Variants in NSMCE2 observed in about 807,000 individuals in gnomAD.
The protein encoded by NSMCE2 is NSE2 SUMO ligase component of SMC5/6 complex, also known as E3 SUMO-protein ligase NSE2.
In NSMCE2, 24 loss-of-function variants were observed where a neutral mutation model predicts 23.8. That is an observed-to-expected ratio of 1.01 (90% CI 0.73 to 1.42). The LOEUF is 1.42. Among genes scored for constraint, NSMCE2 ranks in the 40% most tolerant of loss-of-function variants. The probability of loss-of-function intolerance (pLI) is 0.00; values close to 1 mark genes in which losing one functional copy is unlikely to be tolerated. For missense variants in NSMCE2, 284 were observed against 296.5 expected (o/e 0.96, Z 0.31); for synonymous variants, 92 against 94.1 (o/e 0.98, Z 0.13).
intron 5 of NSMCE2, among the ~76,000 whole-genome samples, chr8:125,212,235 T>A (rs1040837884): frequency 1.3e-5 from 2 of 152,172 alleles, no homozygotes; most frequent in South Asian, 2.1e-4. Context: ...GAACACATAT[T>A]CATTTAAAGG....
chr8:125,362,071 C>T (rs1004706731), intron 7 of NSMCE2, among the ~76,000 whole-genome samples: 3 of 152,194 alleles, frequency 2.0e-5, no homozygotes, highest in African/African-American at 7.2e-5. Flanking sequence ...ATGCTCTGCC[C>T]GGGTAGTGCC....
intron 4 of NSMCE2, among the ~76,000 whole-genome samples, chr8:125,166,420 C>T (rs1052901300): frequency 2.1e-4 from 32 of 152,224 alleles, no homozygotes; most frequent in African/African-American, 7.7e-4. Context: ...GTGCGTACCA[C>T]CACACCTGGC....
intron 1 of NSMCE2, 49 bp from the exon 2 acceptor site, chr8:125,102,002 T>C (rs1818213998): frequency 1.1e-5 from 2 of 185,696 alleles, no homozygotes; most frequent in Admixed American, 1.1e-4. Context: ...TTCTAACCCA[T>C]TTATCTTGTA....
chr8:125,358,739 A>G (rs775442479), intron 7 of NSMCE2, among the ~76,000 whole-genome samples: 1 of 152,086 alleles, frequency 6.6e-6, no homozygotes, highest in Non-Finnish European at 1.5e-5. Context: ...TTGCTTCTCC[A>G]TTGCCCAGAA....
intron 5 of NSMCE2, among the ~76,000 whole-genome samples, chr8:125,250,382 TTTAA>T (rs1218743149): frequency 2.0e-5 from 3 of 152,232 alleles, no homozygotes; most frequent in African/African-American, 7.2e-5. Context: ...GCCCTCTTAC[TTTAA>T]TTAATCCAAA....
chr8:125,330,177 C>CTTTTTTTTTTTTTTTT (rs34345598), intron 5 of NSMCE2, among the ~76,000 whole-genome samples: 2 of 119,122 alleles, frequency 1.7e-5, no homozygotes, highest in Non-Finnish European at 1.6e-5. Context: ...TTTCTTTTTT[C>CTTTTTTTTTTTTTTTT]TTTCTTTTTT....
intron 5 of NSMCE2, among the ~76,000 whole-genome samples, chr8:125,196,899 T>G (rs1823651452): frequency 6.6e-6 from 1 of 152,190 alleles, no homozygotes; most frequent in African/African-American, 2.4e-5. Context: ...CCATTCTAAC[T>G]GGCATGAGAT....
At chr8:125,121,806 A>G (rs539598229) in intron 3 of NSMCE2, among the ~76,000 whole-genome samples, 4 of 152,324 alleles carry the variant, frequency 2.6e-5, no homozygotes, top group Non-Finnish European at 5.9e-5. Context: ...TATCATTACC[A>G]TTATACATAT....
chr8:125,247,900 T>G (rs1360456728), intron 5 of NSMCE2, among the ~76,000 whole-genome samples: 1 of 152,150 alleles, frequency 6.6e-6, no homozygotes, highest in Non-Finnish European at 1.5e-5. Context: ...AGTGGTGAAC[T>G]AAAGTGACCA....
At chr8:125,343,051 ACTCT>A (rs1229967058) in intron 5 of NSMCE2, among the ~76,000 whole-genome samples, 1 of 152,110 alleles carries the variant, frequency 6.6e-6, no homozygotes, top group African/African-American at 2.4e-5. Flanking sequence ...AAATCTTGAT[ACTCT>A]CTATCAAATG....
intron 5 of NSMCE2, among the ~76,000 whole-genome samples, chr8:125,266,226 G>A (rs947498398): frequency 6.6e-6 from 1 of 152,014 alleles, no homozygotes; most frequent in Non-Finnish European, 1.5e-5. Flanking sequence ...CGAGTAGTTG[G>A]GATTACAGGC....
At position 125,281,306 on chromosome 8, in the gene NSMCE2, C is replaced by T. The variant is rs182601860; in HGVS notation, c.419-75913C>T. Among the ~76,000 whole-genome samples, 175 of 152,304 alleles carry T rather than the reference C, an allele frequency of 1.1e-3. 1 individual carries two copies. The highest frequency in any genetic ancestry group is 3.9e-3 in the African/African-American group (162 of 41,562). ...ATTGGAGACATTCTAGTTTTGGAGA[C>T]AAAATCAATTTGAGATGGATCTGTC... On this transcript the variant is annotated intron_variant, in intron 5 of 7. Coordinates refer to ENST00000287437, the MANE Select transcript of NSMCE2 (RefSeq NM_173685.4).
intron 5 of NSMCE2, among the ~76,000 whole-genome samples, chr8:125,285,756 GCACACA>G (rs10550331): frequency 6.0e-5 from 9 of 149,368 alleles, no homozygotes; most frequent in African/African-American, 9.8e-5. Flanking sequence ...TCATACACAC[GCACACA>G]CACACACACA....
chr8:125,229,780 G>A (rs956356252), intron 5 of NSMCE2, among the ~76,000 whole-genome samples: 1 of 152,054 alleles, frequency 6.6e-6, no homozygotes, highest in East Asian at 1.9e-4. Context: ...TTGTTTTAGT[G>A]TTTTATTATT....
chr8:125,155,965 T>G, intron 4 of NSMCE2: 1 of 454,052 alleles, frequency 2.2e-6, no homozygotes, highest in Non-Finnish European at 4.4e-6. Flanking sequence ...GTCATATATA[T>G]TTAGCAATTG....
At chr8:125,351,571 T>C (rs146807493) in intron 5 of NSMCE2, among the ~76,000 whole-genome samples, 8 of 152,192 alleles carry the variant, frequency 5.3e-5, no homozygotes, top group Non-Finnish European at 1.5e-5. Context: ...TCTATGTATA[T>C]AGAAAATAAT....
At chr8:125,138,583 G>A (rs771565557) in intron 3 of NSMCE2, among the ~76,000 whole-genome samples, 3 of 152,094 alleles carry the variant, frequency 2.0e-5, no homozygotes, top group Non-Finnish European at 4.4e-5. Flanking sequence ...TAGTACAAAT[G>A]TAATAGTAGT....
chr8:125,239,191 G>C (rs959156788), intron 5 of NSMCE2, among the ~76,000 whole-genome samples: 4 of 152,180 alleles, frequency 2.6e-5, no homozygotes, highest in Non-Finnish European at 5.9e-5. Flanking sequence ...GGTAATGGAA[G>C]TTAGGTTAGG....
At chr8:125,205,273 G>C (rs1198750431) in intron 5 of NSMCE2, among the ~76,000 whole-genome samples, 1 of 152,220 alleles carries the variant, frequency 6.6e-6, no homozygotes, top group Non-Finnish European at 1.5e-5. Context: ...ATCTGGAGAA[G>C]AGTATCTAAT....
Sources: allele counts gnomAD v4.1 joint callset (sites outside exome capture counted in the v4.1 genomes callset), GRCh38; gene constraint gnomAD v4.1.1; transcripts MANE v1.5; gene names NCBI Gene and HGNC (gene_info 2026-07-23, HGNC 2026-07-21).